TUBB6: variants seen among roughly 807,000 people sequenced by gnomAD.
TUBB6 encodes tubulin beta-6 chain.
Under a neutral mutation model 32.3 loss-of-function variants are expected in TUBB6, and 18 were observed. That is an observed-to-expected ratio of 0.56 (90% confidence interval 0.39 to 0.83). The LOEUF (loss-of-function observed/expected upper bound fraction) is 0.83. Among genes scored for constraint, TUBB6 ranks in the 40% least tolerant of loss-of-function variants. The pLI, the probability that TUBB6 is intolerant of heterozygous loss-of-function variation, is 0.00. For missense variants in TUBB6, 480 were observed against 632.0 expected (o/e 0.76, Z 2.58); for synonymous variants, 280 against 265.8 (o/e 1.05, Z -0.52).
chr18:12,312,099 A>G (rs932645948), intron 3 of TUBB6, among the ~76,000 whole-genome samples: 1 of 152,256 alleles, frequency 6.6e-6, no homozygotes, highest in African/African-American at 2.4e-5. Flanking sequence ...AAAAGGCACC[A>G]GGAAGAGATA....
chr18:12,311,955 CAT>C lies in TUBB6; in HGVS notation c.277+905_277+906del, dbSNP rs1235008167. 3.3e-5 allele frequency among the ~76,000 whole-genome samples: 5 copies of C among 152,062 alleles called. No homozygotes were observed. In the East Asian group the frequency reaches 9.6e-4, roughly 29 times the overall value. On this transcript the variant is annotated intron_variant, in intron 3 of 3. Coordinates refer to ENST00000317702, the MANE Select transcript of TUBB6 (RefSeq NM_032525.3). ...AAAAAAAATTCCTCACTCAATCAAA[CAT>C]ATTTCCAATACCTGTGAAAAGCAGT...
chr18:12,325,644 C>G lies in TUBB6; in HGVS notation c.855C>G (p.Thr285=), dbSNP rs200435931. 5.0e-6 allele frequency: 8 copies of G among 1,613,956 alleles called. No homozygotes were observed. Among genetic ancestry groups the G allele is most frequent in the Admixed American group, 1.7e-5 (1 of 60,014 alleles). Residue 285 remains threonine, a synonymous_variant, in exon 4 of 4, where the codon ACC becomes ACG. Coordinates refer to ENST00000317702, the MANE Select transcript of TUBB6 (RefSeq NM_032525.3). ...SRGSQQYRAL[T]VPELTQQMFD... ...GCAGCCAGCAGTACCGGGCCCTGACCGTGCCCGAGCTCACCCAGCAGATGT... is the reference window on the plus strand; with the variant it reads ...GCAGCCAGCAGTACCGGGCCCTGACGGTGCCCGAGCTCACCCAGCAGATGT...
chr18:12,329,627 CCTTAAGG>C, downstream of TUBB6: 9 of 1,614,170 alleles, frequency 5.6e-6, no homozygotes, highest in Non-Finnish European at 7.6e-6. Context: ...TTGTTCCAGT[CCTTAAGG>C]CCTTCTGGAA....
chr18:12,329,493 G>A, downstream of TUBB6: 1 of 1,491,994 alleles, frequency 6.7e-7, no homozygotes, highest in Non-Finnish European at 9.3e-7. Flanking sequence ...CCATTCTTCT[G>A]AAAGCCACAG....
intron 1 of TUBB6, 111 bp downstream of exon 1, chr18:12,308,460 C>A: frequency 1.0e-6 from 1 of 971,440 alleles, no homozygotes; most frequent in Non-Finnish European, 1.4e-6. Flanking sequence ...CCTGGGTCCT[C>A]GGAGCCCGGT....
chr18:12,308,391 C>T (rs1906123804), intron 1 of TUBB6, 42 bp downstream of exon 1: 8 of 1,323,918 alleles, frequency 6.0e-6, no homozygotes, highest in Non-Finnish European at 5.8e-6. Flanking sequence ...GGGTCGGCTG[C>T]TGGCGGGCCC....
upstream of TUBB6, chr18:12,307,687 T>C (rs1028101237): frequency 6.6e-6 from 1 of 151,294 alleles, no homozygotes; most frequent in Non-Finnish European, 1.5e-5. Context: ...TAAACCCGGT[T>C]CCAAAGGGGT....
At chr18:12,308,218 C>T, upstream of TUBB6, 2 of 1,162,828 alleles carry the variant, frequency 1.7e-6, no homozygotes, top group Non-Finnish European at 2.2e-6. Context: ...GGGTCGGCCC[C>T]GGGACGCGCG....
upstream of TUBB6, chr18:12,308,177 G>C: frequency 3.1e-6 from 2 of 650,384 alleles, no homozygotes; most frequent in Non-Finnish European, 3.9e-6. Flanking sequence ...GCAGCCATTG[G>C]CGAGCGGCGG....
downstream of TUBB6, among the ~76,000 whole-genome samples, chr18:12,328,144 G>A (rs956859862): frequency 2.0e-5 from 3 of 152,212 alleles, no homozygotes; most frequent in Admixed American, 6.5e-5. Flanking sequence ...CTGCTTCCAC[G>A]GCCTGCCGGG....
downstream of TUBB6, among the ~76,000 whole-genome samples, chr18:12,328,341 C>A (rs1298659592): frequency 6.6e-6 from 1 of 152,218 alleles, no homozygotes; most frequent in African/African-American, 2.4e-5. Context: ...GTTAAAAATG[C>A]CAGTGTCTCC....
In TUBB6 at chr18:12,326,010, G is replaced by A. The variant is rs750603864; in HGVS notation, c.1221G>A (p.Glu407=). 1 of 1,614,188 alleles carries A rather than the reference G, an allele frequency of 6.2e-7. No homozygotes were observed. Among genetic ancestry groups the A allele is most frequent in the South Asian group, 1.1e-5 (1 of 91,076 alleles). The stretch of plus-strand genomic sequence containing the variant: ...CGGGTGAGGGCATGGATGAAATGGA[G>A]TTCACCGAGGCGGAGAGCAACATGA... ...WFTGEGMDEM[E]FTEAESNMND... is the part of the protein sequence containing the mutation. The change falls in exon 4 of 4, where the codon GAG becomes GAA. Residue 407 remains glutamate (E), a synonymous_variant. Coordinates refer to ENST00000317702, the MANE Select transcript of TUBB6 (RefSeq NM_032525.3).
chr18:12,322,245 A>C (rs1439869415), intron 3 of TUBB6, among the ~76,000 whole-genome samples: 6 of 151,978 alleles, frequency 3.9e-5, no homozygotes, highest in Non-Finnish European at 7.4e-5. Flanking sequence ...TTGCAGTGAG[A>C]CAATACCGTG....
rs753362806 is a variant in TUBB6, at chr18:12,325,218, G to A, written c.429G>A (p.Thr143=). 36 of 1,613,984 alleles carry A rather than the reference G, an allele frequency of 2.2e-5. No individual in the cohort carries two copies. The highest frequency in any genetic ancestry group is 6.6e-5 in the South Asian group (6 of 91,080). The change falls in exon 4 of 4, where the codon ACG becomes ACA. Residue 143 remains threonine, a synonymous_variant. Coordinates refer to ENST00000317702, the MANE Select transcript of TUBB6 (RefSeq NM_032525.3). ...FQLTHSLGGG[T]GSGMGTLLIS... ...TCACGCACTCGCTGGGCGGCGGCACGGGCTCAGGCATGGGCACGCTGCTCA... is the reference window on the plus strand; with the variant it reads ...TCACGCACTCGCTGGGCGGCGGCACAGGCTCAGGCATGGGCACGCTGCTCA...
Position 12,325,143 on chromosome 18 carries a change from C to T in TUBB6, c.354C>T (p.Asp118=), listed in dbSNP as rs61743679. ...EGAELVDAVL[D]VVRKECEHCD... ...CGGAGCTGGTGGACGCAGTGCTGGA[C>T]GTGGTGCGGAAGGAGTGCGAGCACT... Residue 118 remains aspartate, a synonymous_variant, in exon 4 of 4, where the codon GAC becomes GAT. Coordinates refer to ENST00000317702, the MANE Select transcript of TUBB6 (RefSeq NM_032525.3). 18,394 of 1,611,960 alleles carry T rather than the reference C, an allele frequency of 0.011. 153 individuals carry two copies. The highest frequency in any genetic ancestry group is 0.013 in the Non-Finnish European group (14,971 of 1,178,644).
intron 3 of TUBB6, among the ~76,000 whole-genome samples, chr18:12,316,604 A>G (rs1906686168): frequency 6.6e-6 from 1 of 152,262 alleles, no homozygotes; most frequent in African/African-American, 2.4e-5. Flanking sequence ...GACTTGTTTA[A>G]ATGAATATGC....
At chr18:12,312,523 T>C (rs1300345429) in intron 3 of TUBB6, among the ~76,000 whole-genome samples, 3 of 152,166 alleles carry the variant, frequency 2.0e-5, no homozygotes, top group African/African-American at 7.2e-5. Flanking sequence ...AAGGATTAAA[T>C]AAACACTTAG....
chr18:12,310,352 G>T (rs571898344), intron 2 of TUBB6, among the ~76,000 whole-genome samples: 114 of 152,070 alleles, frequency 7.5e-4, no homozygotes, highest in Non-Finnish European at 1.3e-3. Context: ...TTAGCCGGGC[G>T]TGGTGGTGGG....
At chr18:12,320,156 A>T (rs1397209652) in intron 3 of TUBB6, among the ~76,000 whole-genome samples, 1 of 151,436 alleles carries the variant, frequency 6.6e-6, no homozygotes, top group Non-Finnish European at 1.5e-5. Context: ...TGAGCCCAGG[A>T]GTTGGAGGCT....
Sources: gnomAD v4.1 joint callset for allele counts (sites outside exome capture counted in the v4.1 genomes callset) on GRCh38, gnomAD v4.1.1 for gene constraint, MANE v1.5 for transcripts, NCBI Gene and HGNC (gene_info 2026-07-23, HGNC 2026-07-21) for gene names.